The following EXT1 variants were observed in gnomAD, a reference collection of about 807,000 sequenced individuals.
EXT1 encodes the protein exostosin glycosyltransferase 1, also known as exostosin-1.
In EXT1, 20 loss-of-function variants were observed where a neutral mutation model predicts 82.5. That is an observed-to-expected ratio of 0.24 (90% CI 0.17 to 0.35). EXT1 has a LOEUF of 0.35. Among genes scored for constraint, EXT1 ranks in the 10% least tolerant of loss-of-function variants. The probability of loss-of-function intolerance (pLI) is 1.00; values close to 1 mark genes in which losing one functional copy is unlikely to be tolerated. For missense variants in EXT1, 757 were observed against 936.5 expected (o/e 0.81, Z 2.50); for synonymous variants, 348 against 350.8 (o/e 0.99, Z 0.09).
At chr8:118,035,257 G>T (rs911150328) in intron 1 of EXT1, among the ~76,000 whole-genome samples, 1 of 152,122 alleles carries the variant, frequency 6.6e-6, no homozygotes, top group Admixed American at 6.5e-5. Context: ...AGGAAGCTTG[G>T]AATTTGGAGG....
rs989973277 is a variant in EXT1 at position 117,795,545 on chromosome 8, T to G, written c.*4167A>C. ...GGCGCAGTGGCTTACACCTGTAATC[T>G]CAGCACTTTGGGAGGCAGAGGCAGG... On this transcript the variant is annotated 3_prime_UTR_variant, in exon 11 of 11. Coordinates refer to ENST00000378204, the MANE Select transcript of EXT1 (RefSeq NM_000127.3). 1 of 150,284 alleles carries G rather than the reference T, an allele frequency of 6.7e-6. No individual in the cohort carries two copies. Among genetic ancestry groups the G allele is most frequent in the African/African-American group, 2.5e-5 (1 of 40,770 alleles). The allele number at this position is 150,284 out of a possible 1,614,324, so 9.3% of individuals were successfully genotyped here.
At chr8:118,083,979 A>C (rs1817377196) in intron 1 of EXT1, among the ~76,000 whole-genome samples, 1 of 152,188 alleles carries the variant, frequency 6.6e-6, no homozygotes, top group Non-Finnish European at 1.5e-5. Flanking sequence ...TAGTGAGCCA[A>C]GATCATGCCA....
chr8:117,915,919 C>A (rs1241736121), intron 1 of EXT1, among the ~76,000 whole-genome samples: 1 of 148,934 alleles, frequency 6.7e-6, no homozygotes, highest in Non-Finnish European at 1.5e-5. Flanking sequence ...GTGATAAAGT[C>A]TGAAATATTC....
At chr8:118,098,275 C>T (rs1311374479) in intron 1 of EXT1, among the ~76,000 whole-genome samples, 2 of 152,090 alleles carry the variant, frequency 1.3e-5, no homozygotes, top group African/African-American at 2.4e-5. Flanking sequence ...AACATACCTG[C>T]CAGGACAACC....
At chr8:117,947,229 C>G (rs1156352740) in intron 1 of EXT1, among the ~76,000 whole-genome samples, 2 of 152,176 alleles carry the variant, frequency 1.3e-5, no homozygotes, top group Admixed American at 1.3e-4. Context: ...TTCTGTCTCT[C>G]CAACTATGGC....
chr8:118,091,357 C>G (rs1259829579), intron 1 of EXT1, among the ~76,000 whole-genome samples: 1 of 152,170 alleles, frequency 6.6e-6, no homozygotes, highest in Admixed American at 6.6e-5. Context: ...TATTTCGAAC[C>G]TCAAGGAGGG....
chr8:117,831,537 T>C (rs1286942369), intron 3 of EXT1: 4 of 470,026 alleles, frequency 8.5e-6, no homozygotes, highest in Non-Finnish European at 1.8e-5. Flanking sequence ...CTATTTCATT[T>C]ACGGAGTCTA....
At chr8:118,026,196 A>G (rs534451962) in intron 1 of EXT1, among the ~76,000 whole-genome samples, 2 of 152,218 alleles carry the variant, frequency 1.3e-5, no homozygotes, top group Non-Finnish European at 2.9e-5. Context: ...CTACTGAGCC[A>G]GTCATCTAGC....
chr8:118,111,502 G>A lies in EXT1; in HGVS notation c.-456C>T, dbSNP rs1035211777. On this transcript the variant is annotated 5_prime_UTR_variant, in exon 1 of 11. The change creates a new upstream start codon in the 5' untranslated region. Coordinates refer to ENST00000378204, the MANE Select transcript of EXT1 (RefSeq NM_000127.3). ...AACTTCAACTCATCCACCACTCTCC[G>A]TGCAGAGCACTCCGGTTCCAACAAG... The A allele has an allele frequency of 5.3e-5, 27 of 506,540 alleles. No individual in the cohort carries two copies. The South Asian group carries it at 6.2e-4, about 12-fold the overall frequency. 31.4% of individuals were successfully genotyped at this position (506,540 alleles called of 1,614,324 possible).
chr8:118,095,837 T>C (rs767944306), intron 1 of EXT1, among the ~76,000 whole-genome samples: 2 of 152,248 alleles, frequency 1.3e-5, no homozygotes, highest in African/African-American at 2.4e-5. Flanking sequence ...ATTTTACCTA[T>C]GCACCTTGAG....
intron 1 of EXT1, among the ~76,000 whole-genome samples, chr8:117,934,445 AG>A (rs1814120744): frequency 6.6e-6 from 1 of 152,188 alleles, no homozygotes; most frequent in Non-Finnish European, 1.5e-5. Flanking sequence ...GAGGCCCCCC[AG>A]GGCTTCCGAG....
intron 1 of EXT1, among the ~76,000 whole-genome samples, chr8:117,982,964 A>G (rs75395367): frequency 0.027 from 4,144 of 152,240 alleles, 201 homozygotes; most frequent in African/African-American, 0.09. Context: ...TAAAAAACCA[A>G]TTTAAATTTG....
At chr8:117,915,171 A>C (rs929222805) in intron 1 of EXT1, among the ~76,000 whole-genome samples, 2 of 152,206 alleles carry the variant, frequency 1.3e-5, no homozygotes, top group Admixed American at 6.5e-5. Context: ...GATAGAAAGA[A>C]TCTACATTGA....
chr8:118,007,698 G>A (rs1220639963), intron 1 of EXT1, among the ~76,000 whole-genome samples: 2 of 152,232 alleles, frequency 1.3e-5, no homozygotes, highest in Admixed American at 6.5e-5. Context: ...CTACAAGACT[G>A]TAGTTTCATT....
chr8:118,022,177 T>C (rs887262040), intron 1 of EXT1, among the ~76,000 whole-genome samples: 2 of 151,932 alleles, frequency 1.3e-5, no homozygotes, highest in Non-Finnish European at 2.9e-5. Context: ...TTACATCAGG[T>C]ACAAATTATA....
At chr8:117,944,576 G>A (rs539042706) in intron 1 of EXT1, among the ~76,000 whole-genome samples, 1 of 152,242 alleles carries the variant, frequency 6.6e-6, no homozygotes, top group South Asian at 2.1e-4. Flanking sequence ...GGTTTGCCCG[G>A]CTATGACCGT....
At chr8:117,899,715 A>T (rs1048990913) in intron 1 of EXT1, among the ~76,000 whole-genome samples, 1 of 152,248 alleles carries the variant, frequency 6.6e-6, no homozygotes, top group African/African-American at 2.4e-5. Context: ...TGTTTCAAGG[A>T]GTAGCAAGAT....
At chr8:117,853,167 T>A (rs1398105196) in intron 1 of EXT1, among the ~76,000 whole-genome samples, 3 of 152,202 alleles carry the variant, frequency 2.0e-5, no homozygotes. Flanking sequence ...TCAAAAATAT[T>A]TTGCTGTGAT....
At chr8:117,889,046 G>T (rs1372492296) in intron 1 of EXT1, among the ~76,000 whole-genome samples, 3 of 152,182 alleles carry the variant, frequency 2.0e-5, no homozygotes. Context: ...TATAGAAAGT[G>T]TTATTTCCAA....
Sources: allele counts gnomAD v4.1 joint callset (sites outside exome capture counted in the v4.1 genomes callset), GRCh38; gene constraint gnomAD v4.1.1; transcripts MANE v1.5; gene names NCBI Gene and HGNC (gene_info 2026-07-23, HGNC 2026-07-21).